Variants in SPATA13 observed in about 807,000 individuals in gnomAD.
The protein encoded by SPATA13 is spermatogenesis-associated protein 13.
In SPATA13, 50 loss-of-function variants were observed where a neutral mutation model predicts 104.0. The observed-to-expected ratio is 0.48, with a 90% CI of 0.38 to 0.61. SPATA13 has a LOEUF of 0.61. Ranked by LOEUF, SPATA13 falls within the 20% of genes least tolerant of loss-of-function variation. SPATA13 has a pLI of 0.00. For synonymous variants in SPATA13, 606 were observed against 667.5 expected, an observed-to-expected ratio of 0.91 and a Z score of 1.42; for missense variants, 1,524 against 1,690.6, an observed-to-expected ratio of 0.90 and a Z score of 1.73.
intron 1 of SPATA13, among the ~76,000 whole-genome samples, chr13:24,174,703 A>G (rs189207697): frequency 6.6e-6 from 1 of 152,088 alleles, no homozygotes; most frequent in Middle Eastern, 3.2e-3. Context: ...CAGTCTCCCA[A>G]GTAGCTGGGA....
chr13:24,226,057 C>T (rs1250771997), intron 2 of SPATA13, among the ~76,000 whole-genome samples: 1 of 152,122 alleles, frequency 6.6e-6, no homozygotes, highest in Admixed American at 6.6e-5. Context: ...CAATGAGTGG[C>T]GGAGTCTGGG....
chr13:24,292,383 T>G (rs905619651), intron 9 of SPATA13, among the ~76,000 whole-genome samples: 5 of 152,184 alleles, frequency 3.3e-5, no homozygotes, highest in Non-Finnish European at 7.4e-5. Flanking sequence ...ATAGGGCAAC[T>G]GCTATGTGCC....
intron 3 of SPATA13, among the ~76,000 whole-genome samples, chr13:24,119,124 G>T (rs1428856552): frequency 6.6e-6 from 1 of 151,978 alleles, no homozygotes; most frequent in Non-Finnish European, 1.5e-5. Flanking sequence ...AGCCAGGATG[G>T]TCTCGATCTC....
chr13:24,066,099 G>T (rs9580854), intron 3 of SPATA13, among the ~76,000 whole-genome samples: 12 of 152,140 alleles, frequency 7.9e-5, no homozygotes, highest in Admixed American at 2.6e-4. Context: ...ATTATGAATT[G>T]TTAAAGGTAC....
chr13:24,287,280 G>GC (rs1403188989), intron 7 of SPATA13, among the ~76,000 whole-genome samples: 1 of 152,052 alleles, frequency 6.6e-6, no homozygotes, highest in Admixed American at 6.6e-5. Context: ...TCCCTCCTCA[G>GC]CCCCCCGAGT....
intron 4 of SPATA13, among the ~76,000 whole-genome samples, chr13:24,260,925 A>G (rs1874032824): frequency 6.6e-6 from 1 of 152,236 alleles, no homozygotes; most frequent in African/African-American, 2.4e-5. Flanking sequence ...TGTTCATGGC[A>G]TGCGTGCATG....
rs77078292 is a variant in SPATA13 at position 24,076,572 on chromosome 13, C to T, written c.-112+58871C>T. ...TGAATATGAACGAAGCAGCAGACCC[C>T]GGGACAGGAAACCAGGCCACTGAGG... On this transcript the variant is annotated intron_variant, in intron 3 of 14. Coordinates refer to the SPATA13 transcript ENST00000424834. Among the ~76,000 whole-genome samples the T allele has an allele frequency of 2.6e-3, 395 of 152,004 alleles. 13 individuals are homozygous for T. The East Asian group carries it at 0.055, about 21-fold the overall frequency.
At chr13:24,284,078 TG>T in intron 4 of SPATA13, 56 bp from the exon 5 acceptor site, 1 of 1,552,714 alleles carries the variant, frequency 6.4e-7, no homozygotes, top group Non-Finnish European at 8.8e-7. Context: ...TTTCATCATA[TG>T]AAAAAATCTT....
At chr13:24,294,524 A>G (rs548065195) in intron 9 of SPATA13, among the ~76,000 whole-genome samples, 9 of 152,300 alleles carry the variant, frequency 5.9e-5, no homozygotes, top group African/African-American at 1.9e-4. Flanking sequence ...TTTTATTCCA[A>G]AGAATTCTGA....
At position 24,271,856 on chromosome 13, in the gene SPATA13, T is replaced by C. The variant is rs558380290; in HGVS notation, c.2165-12279T>C. Among the ~76,000 whole-genome samples the C allele has an allele frequency of 2.9e-4, 44 of 152,252 alleles. 1 individual carries two copies. The South Asian group carries it at 8.9e-3, about 31-fold the overall frequency. On this transcript the variant is annotated intron_variant, in intron 4 of 12. Coordinates refer to ENST00000382108, the MANE Select transcript of SPATA13 (RefSeq NM_001166271.3). ...GTGCTTTCTTCCTTGTTTTGATTGG[T>C]TTCTGTGCTGCTGACAGACAGAAAG...
At chr13:24,052,099 A>G (rs1409026) in intron 3 of SPATA13, among the ~76,000 whole-genome samples, 147,533 of 152,246 alleles carry the variant, frequency 0.97, 71,605 homozygotes, top group Non-Finnish European at 1. Flanking sequence ...TGCTGTGTCC[A>G]GGCTCCTCGG....
At chr13:24,047,963 G>A (rs776356202) in intron 3 of SPATA13, among the ~76,000 whole-genome samples, 1 of 152,192 alleles carries the variant, frequency 6.6e-6, no homozygotes, top group Non-Finnish European at 1.5e-5. Context: ...AGAACCAGGT[G>A]CGTCAATGTC....
In SPATA13 at chr13:24,286,637, A is replaced by G; in HGVS notation, c.2482-128A>G. 1 of 929,004 alleles carries G rather than the reference A, an allele frequency of 1.1e-6. No homozygotes were observed. The highest frequency in any genetic ancestry group is 1.7e-5 in the South Asian group (1 of 57,780). 57.5% of individuals were successfully genotyped at this position (929,004 alleles called of 1,614,324 possible). On this transcript the variant is annotated intron_variant, in intron 6 of 12. Coordinates refer to ENST00000382108, the MANE Select transcript of SPATA13 (RefSeq NM_001166271.3). The surrounding 1 kb of genome is among the most constrained non-coding windows in gnomAD (Gnocchi z 4.9). The stretch of plus-strand genomic sequence containing the variant: ...GCCGCAGCCCTGCTGAGGCCATGAG[A>G]CTCAGGCGAGGGCCAGGCTGCCTTC...
chr13:24,130,972 A>G (rs9507252), intron 3 of SPATA13, among the ~76,000 whole-genome samples: 104,907 of 152,152 alleles, frequency 0.69, 36,931 homozygotes, highest in East Asian at 0.93. Context: ...GGAGCGGGGG[A>G]CGCTTTCTGG....
chr13:23,996,665 A>T (rs946912343), intron 2 of SPATA13, among the ~76,000 whole-genome samples: 1 of 152,176 alleles, frequency 6.6e-6, no homozygotes, highest in African/African-American at 2.4e-5. Context: ...TTACAGGAGG[A>T]TGTTTACACA....
intron 4 of SPATA13, among the ~76,000 whole-genome samples, chr13:24,260,668 T>C (rs1388970861): frequency 6.6e-6 from 1 of 152,182 alleles, no homozygotes; most frequent in Non-Finnish European, 1.5e-5. Context: ...TTCTATCAAA[T>C]TAGGTGAGAA....
chr13:24,108,751 G>A (rs13378562), intron 3 of SPATA13, among the ~76,000 whole-genome samples: 114,430 of 151,820 alleles, frequency 0.75, 43,249 homozygotes, highest in African/African-American at 0.76. Context: ...TTTCAAGCCT[G>A]GAGGCCCCGA....
rs138344450 is a variant in SPATA13, at chr13:24,284,900, G to T, written c.2301+629G>T. On this transcript the variant is annotated intron_variant, in intron 5 of 12. Transcript: ENST00000382108. ...GGTTATTATCCACATTTTCATCAACGCTCTAAGGAAAGATGTCTAATTACT... is the reference window on the plus strand; with the variant it reads ...GGTTATTATCCACATTTTCATCAACTCTCTAAGGAAAGATGTCTAATTACT... Among the ~76,000 whole-genome samples, 77 of 152,182 alleles carry T rather than the reference G, an allele frequency of 5.1e-4. No individual in the cohort carries two copies. In the East Asian group the frequency reaches 0.013, roughly 26 times the overall value.
At chr13:24,181,634 C>T (rs1452635017) in intron 1 of SPATA13, among the ~76,000 whole-genome samples, 1 of 152,200 alleles carries the variant, frequency 6.6e-6, no homozygotes, top group East Asian at 1.9e-4. Flanking sequence ...CCACCTCCAT[C>T]CACATCTTGT....
Sources: gnomAD v4.1 joint callset for allele counts (sites outside exome capture counted in the v4.1 genomes callset) on GRCh38, gnomAD v4.1.1 for gene constraint, Gnocchi (gnomAD v3.1) non-coding constraint, MANE v1.5 for transcripts, NCBI Gene and HGNC (gene_info 2026-07-23, HGNC 2026-07-21) for gene names.